OXA1L: variants seen among roughly 807,000 people sequenced by gnomAD.
OXA1L encodes mitochondrial inner membrane protein OXA1L.
In OXA1L, 42 loss-of-function variants were observed where a neutral mutation model predicts 52.2. The ratio of observed to expected loss-of-function variants is 0.80; its 90% confidence interval spans 0.63 to 1.04. The LOEUF is 1.04. Ranked by LOEUF, OXA1L falls within the 50% of genes least tolerant of loss-of-function variation. The pLI is 0.00. For synonymous variants in OXA1L, 239 were observed against 201.9 expected (o/e 1.18, Z -1.56); for missense variants, 572 against 555.0 (o/e 1.03, Z -0.31).
rs1271229294 is a variant in OXA1L at position 22,771,877 on chromosome 14, A to T, written c.*319A>T. The stretch of plus-strand genomic sequence containing the variant: ...CATTTTGGGAGGCCGAGGTGGGTGG[A>T]TCACCTGAGATCAGGAGTTTGAGAC... On this transcript the variant is annotated 3_prime_UTR_variant, in exon 10 of 10. Transcript: ENST00000612549. 1 of 256,726 alleles carries T rather than the reference A, an allele frequency of 3.9e-6. No homozygotes were observed. Among genetic ancestry groups the T allele is most frequent in the African/African-American group, 2.2e-5 (1 of 45,284 alleles). 15.9% of individuals were successfully genotyped at this position (256,726 alleles called of 1,614,324 possible).
chr14:22,770,202 C>G lies in OXA1L; in HGVS notation c.593C>G (p.Ala198Gly). The change falls in exon 5 of 10, where the codon GCT becomes GGT. Residue 198 changes from alanine (A) to glycine (G), a missense_variant. Ala to Gly is a moderately conservative substitution (Grantham distance 60, BLOSUM62 0). Around this residue, in one of 5 missense-constraint regions of OXA1L, gnomAD observed 132 missense variants for 124.0 expected, o/e 1.06. Coordinates refer to ENST00000612549, the MANE Select transcript of OXA1L (RefSeq NM_005015.5). ...TCCCCTCACCTCACAGATTACAAGG[C>G]TTCCTCGGAGATGGCACTTTACCAG... ...LAGDHIEYYK[A>G]SSEMALYQKK... 1 of 1,608,050 alleles carries G rather than the reference C, an allele frequency of 6.2e-7. No homozygotes were observed. Among genetic ancestry groups the G allele is most frequent in the Non-Finnish European group, 8.5e-7 (1 of 1,174,478 alleles).
rs145461886 is a variant in OXA1L, at chr14:22,770,337, G to A, written c.669+59G>A. On this transcript the variant is annotated intron_variant, in intron 5 of 9. Transcript: ENST00000612549. ...AGTACCCATGAAATTTCCTCTCTGT[G>A]TTTCATGTGTCCCAGGTCCCCCAAA... 7.9e-6 allele frequency: 12 copies of A among 1,521,498 alleles called. No individual in the cohort carries two copies. The African/African-American group carries it at 1.1e-4, about 14-fold the overall frequency. The allele number at this position is 1,521,498 out of a possible 1,614,324, so 94.2% of individuals were successfully genotyped here.
rs1566436968 is a variant in OXA1L, at chr14:22,772,521, AGT to A, written c.*964_*965del. 1.0e-4 allele frequency: 7 copies of A among 66,852 alleles called. 2 individuals carry two copies. The highest frequency in any genetic ancestry group is 3.4e-4 in the African/African-American group (4 of 11,732). 4.1% of individuals were successfully genotyped at this position (66,852 alleles called of 1,614,324 possible). On this transcript the variant is annotated 3_prime_UTR_variant, in exon 10 of 10. Coordinates refer to ENST00000612549, the MANE Select transcript of OXA1L (RefSeq NM_005015.5). ...AAAAAAAAAAAAAAAAAAAAAAAAC[AGT>A]TTAAACTTCCAACCCATGCATGTGT... is the stretch of plus-strand genomic sequence containing the variant.
chr14:22,771,077 C>G lies in OXA1L; in HGVS notation c.999C>G (p.Leu333=), dbSNP rs375270103. Residue 333 remains leucine (L), a synonymous_variant, in exon 8 of 10, where the codon CTC becomes CTG. Transcript: ENST00000612549. ...TTTCCCTGGTCCAAGTATCCTGTCT[C>G]CGGATTCCAGCAGTACGCACTGTAC... ...NLFSLVQVSC[L]RIPAVRTVLK... 3 of 1,614,184 alleles carry G rather than the reference C, an allele frequency of 1.9e-6. No individual in the cohort carries two copies. Among genetic ancestry groups the G allele is most frequent in the Non-Finnish European group, 2.5e-6 (3 of 1,180,018 alleles).
Position 22,767,212 on chromosome 14 carries a change from C to T in OXA1L, c.64-36C>T, listed in dbSNP as rs745372833. On this transcript the variant is annotated intron_variant, in intron 1 of 9. Transcript: ENST00000612549. Reference sequence around the variant, plus strand: ...GCACCCACGCGAGGACTTCTGCTCCCGGTAAAGGGGCTCCATCATCCTTTT... The same window carrying T: ...GCACCCACGCGAGGACTTCTGCTCCTGGTAAAGGGGCTCCATCATCCTTTT... 8.8e-6 allele frequency: 14 copies of T among 1,583,640 alleles called. No individual in the cohort carries two copies. In the Admixed American group the frequency reaches 2.0e-4, roughly 23 times the overall value.
At chr14:22,769,407 T>TA (rs1471009951) in intron 3 of OXA1L, among the ~76,000 whole-genome samples, 1 of 152,220 alleles carries the variant, frequency 6.6e-6, no homozygotes, top group Non-Finnish European at 1.5e-5. Flanking sequence ...AGCTGTTACT[T>TA]AAAAGACTGC....
chr14:22,767,874 C>G, intron 2 of OXA1L, 84 bp from the exon 3 acceptor site: 1 of 1,048,362 alleles, frequency 9.5e-7, no homozygotes, highest in Non-Finnish European at 1.4e-6. Context: ...GAGAACAGAA[C>G]CCAGTACTGG....
Position 22,767,326 on chromosome 14 carries a change from T to A in OXA1L, c.142T>A (p.Cys48Ser), listed in dbSNP as rs1197417159. 4 of 1,613,772 alleles carry A rather than the reference T, an allele frequency of 2.5e-6. No homozygotes were observed. In the African/African-American group the frequency reaches 5.3e-5, roughly 22 times the overall value. Residue 48 changes from cysteine to serine, a missense_variant, in exon 2 of 10, where the codon TGC becomes AGC. By Grantham distance (112) the Cys-to-Ser change is moderately radical. Coordinates refer to ENST00000612549, the MANE Select transcript of OXA1L (RefSeq NM_005015.5). Reference protein sequence around the residue: ...TRLLFPAAPCCCRPHYLFLAA... With the variant: ...TRLLFPAAPCSCRPHYLFLAA... ...GCTCCTATTCCCAGCAGCCCCGTGC[T>A]GCTGTCGCCCACACTACCTCTTCCT...
chr14:22,771,374 C>A, intron 9 of OXA1L, 26 bp downstream of exon 9: 1 of 1,613,794 alleles, frequency 6.2e-7, no homozygotes, highest in Non-Finnish European at 8.5e-7. Flanking sequence ...AGGCCAAATT[C>A]TGTCTTTTGT....
Position 22,769,750 on chromosome 14 carries a change from ACTG to A in OXA1L, c.440-38_440-36del, listed in dbSNP as rs778552259. 3 of 1,611,510 alleles carry A rather than the reference ACTG, an allele frequency of 1.9e-6. No individual in the cohort carries two copies. In the East Asian group the frequency reaches 6.7e-5, roughly 36 times the overall value. ...AAGCCTTCAACCTTCTAGCTGCAGA[ACTG>A]CTTTAATTTCACTCCAATCCTAGTT... is the stretch of plus-strand genomic sequence containing the variant. On this transcript the variant is annotated intron_variant, in intron 3 of 9. Transcript: ENST00000612549.
In OXA1L at chr14:22,769,849, A is replaced by C. The variant is rs1443408057; in HGVS notation, c.498A>C (p.Ala166=). Residue 166 remains alanine, a synonymous_variant, in exon 4 of 10, where the codon GCA becomes GCC. Coordinates refer to ENST00000612549, the MANE Select transcript of OXA1L (RefSeq NM_005015.5). The part of the protein sequence containing the change: ...FPLIVTGQRE[A]ARIHNHLPEI... ...TCATCGTGACGGGCCAGCGAGAGGCAGCCAGGATCCACAATCACTTGCCAG... is the reference window on the plus strand; with the variant it reads ...TCATCGTGACGGGCCAGCGAGAGGCCGCCAGGATCCACAATCACTTGCCAG... 2 of 1,614,172 alleles carry C rather than the reference A, an allele frequency of 1.2e-6. No homozygotes were observed. Among genetic ancestry groups the C allele is most frequent in the Admixed American group, 3.3e-5 (2 of 60,022 alleles).
chr14:22,771,397 G>A (rs1566435520), intron 9 of OXA1L, 37 bp from the exon 10 acceptor site: 1 of 1,613,814 alleles, frequency 6.2e-7, no homozygotes, highest in East Asian at 2.2e-5. Flanking sequence ...CTTCCTTTCT[G>A]TTCTTCGTTG....
At chr14:22,767,667 G>T in intron 2 of OXA1L, 1 of 498,916 alleles carries the variant, frequency 2.0e-6, no homozygotes, top group East Asian at 3.2e-5. Flanking sequence ...TTAATATATG[G>T]CAAAAATCAT....
At chr14:22,770,675 G>A (rs1373100475) in intron 6 of OXA1L, 50 bp downstream of exon 6, 1 of 1,586,308 alleles carries the variant, frequency 6.3e-7, no homozygotes, top group Admixed American at 1.7e-5. Flanking sequence ...ACTGGGGTTG[G>A]AGGGTAAAGT....
At position 22,767,513 on chromosome 14, in the gene OXA1L, C is replaced by T. The variant is rs113405889; in HGVS notation, c.225+104C>T. 1,252 of 949,454 alleles carry T rather than the reference C, an allele frequency of 1.3e-3. 13 individuals carry two copies. In the African/African-American group the frequency reaches 0.019, roughly 14 times the overall value. The allele number at this position is 949,454 out of a possible 1,614,324, so 58.8% of individuals were successfully genotyped here. A position where few individuals can be genotyped will look rare whatever the true frequency, so the allele number is the denominator to read the frequency against. ...GGGGAATATGGAGCAGAGTTCTTGT[C>T]CACGCTCCACACAGCTCTCCAAAAT... On this transcript the variant is annotated intron_variant, in intron 2 of 9. Transcript: ENST00000612549.
At position 22,771,340 on chromosome 14, in the gene OXA1L, C is replaced by T; in HGVS notation, c.1175C>T (p.Ala392Val). Reference sequence around the variant, plus strand: ...CGCATGCGGAATCAGTTGGAGCTAGCAGCCAGGGGTAAATAGTCCTTTCAG... The same window carrying T: ...CGCATGCGGAATCAGTTGGAGCTAGTAGCCAGGGGTAAATAGTCCTTTCAG... ...EQRMRNQLEL[A>V]ARGPLRQTFT... The change falls in exon 9 of 10, where the codon GCA becomes GTA. Residue 392 changes from alanine to valine, a missense_variant. Physicochemically the swap from Ala to Val is moderately conservative, Grantham distance 64 (BLOSUM62 0). Coordinates refer to ENST00000612549, the MANE Select transcript of OXA1L (RefSeq NM_005015.5). 1 of 1,614,160 alleles carries T rather than the reference C, an allele frequency of 6.2e-7. No individual in the cohort carries two copies. The highest frequency in any genetic ancestry group is 1.7e-5 in the Admixed American group (1 of 60,026).
Position 22,771,503 on chromosome 14 carries a change from C to CTAG in OXA1L, c.1254_1256dup (p.Ser422dup), listed in dbSNP as rs764686688. ...GGAAAGGATAACCCTCCCAATATCC[C>CTAG]TAGCAGCAGCAGCAAACCAAAGTCA... On this transcript the variant is annotated inframe_insertion, in exon 10 of 10. Coordinates refer to ENST00000612549, the MANE Select transcript of OXA1L (RefSeq NM_005015.5). 7.2e-6 allele frequency: 11 copies of CTAG among 1,528,138 alleles called. No homozygotes were observed. The highest frequency in any genetic ancestry group is 7.2e-6 in the Non-Finnish European group (8 of 1,107,152). 94.7% of individuals were successfully genotyped at this position (1,528,138 alleles called of 1,614,324 possible). A position where few individuals can be genotyped will look rare whatever the true frequency, so the allele number is the denominator to read the frequency against.
chr14:22,766,911 T>C (rs72681905), intron 1 of OXA1L, 147 bp downstream of exon 1: 22,660 of 1,515,570 alleles, frequency 0.015, 208 homozygotes, highest in Non-Finnish European at 0.018. Context: ...GAGGACGCGC[T>C]AGGGTTAGTC....
chr14:22,771,892 G>A lies in OXA1L; in HGVS notation c.*334G>A, dbSNP rs1198125728. 1 of 237,832 alleles carries A rather than the reference G, an allele frequency of 4.2e-6. No individual in the cohort carries two copies. Among genetic ancestry groups the A allele is most frequent in the African/African-American group, 2.2e-5 (1 of 44,504 alleles). 14.7% of individuals were successfully genotyped at this position (237,832 alleles called of 1,614,324 possible). A position where few individuals can be genotyped will look rare whatever the true frequency, so the allele number is the denominator to read the frequency against. On this transcript the variant is annotated 3_prime_UTR_variant, in exon 10 of 10. Transcript: ENST00000612549. ...AGGTGGGTGGATCACCTGAGATCAG[G>A]AGTTTGAGACCAGCCTGGCCAACAT...
Sources: gnomAD v4.1 joint callset for allele counts (sites outside exome capture counted in the v4.1 genomes callset) on GRCh38, gnomAD v4.1.1 for gene constraint, gnomAD v4.1.1 regional missense constraint, MANE v1.5 for transcripts, NCBI Gene and HGNC (gene_info 2026-07-23, HGNC 2026-07-21) for gene names.